The following UNC13C variants were observed in gnomAD, a reference collection of about 807,000 sequenced individuals.
UNC13C encodes protein unc-13 homolog C.
A neutral mutation model predicts 245.4 loss-of-function variants in UNC13C; 174 were observed. The observed-to-expected ratio is 0.71, with a 90% CI of 0.63 to 0.80. UNC13C has a LOEUF of 0.80. Among genes scored for constraint, UNC13C ranks in the 30% least tolerant of loss-of-function variants. The pLI, the probability that UNC13C is intolerant of heterozygous loss-of-function variation, is 0.00. For missense variants in UNC13C, 2,829 were observed against 2,602.9 expected (o/e 1.09, Z -1.89); for synonymous variants, 992 against 895.1 (o/e 1.11, Z -1.93).
At chr15:54,210,864 G>T (rs2034858706) in intron 4 of UNC13C, among the ~76,000 whole-genome samples, 2 of 152,136 alleles carry the variant, frequency 1.3e-5, no homozygotes, top group Admixed American at 6.6e-5. Context: ...CTTTGTGGAT[G>T]CAGGACACGC....
intron 19 of UNC13C, among the ~76,000 whole-genome samples, chr15:54,428,389 C>T (rs1386755359): frequency 1.3e-5 from 2 of 151,512 alleles, no homozygotes; most frequent in African/African-American, 4.8e-5. Flanking sequence ...TGTCCTTCCC[C>T]AATCACATCA....
intron 2 of UNC13C, among the ~76,000 whole-genome samples, chr15:54,126,628 C>A (rs1006710544): frequency 6.6e-6 from 1 of 152,064 alleles, no homozygotes; most frequent in African/African-American, 2.4e-5. Context: ...GTAGGCAATA[C>A]CATTCAGGAT....
chr15:54,374,452 C>T (rs2039560982), intron 17 of UNC13C, among the ~76,000 whole-genome samples: 1 of 152,206 alleles, frequency 6.6e-6, no homozygotes, highest in African/African-American at 2.4e-5. Context: ...CAGCAGGGAG[C>T]TGGCATTTCT....
intron 4 of UNC13C, among the ~76,000 whole-genome samples, chr15:54,186,061 GCT>G (rs1211840016): frequency 3.6e-4 from 51 of 139,964 alleles, no homozygotes; most frequent in African/African-American, 1.3e-3. Context: ...TCATGATTTG[GCT>G]CTCTGTTTGT....
chr15:54,626,068 C>T (rs76553701), intron 32 of UNC13C, among the ~76,000 whole-genome samples: 5,937 of 152,198 alleles, frequency 0.039, 216 homozygotes, highest in Admixed American at 0.12. Flanking sequence ...GCTGGTACTG[C>T]TGAGGGCTAG....
chr15:53,857,756 T>C, the UNC13C span, among the ~76,000 whole-genome samples: 4 of 152,312 alleles, frequency 2.6e-5, no homozygotes, highest in East Asian at 7.7e-4. Flanking sequence ...CTCTCAAATG[T>C]TGGCAGATGA....
intron 19 of UNC13C, among the ~76,000 whole-genome samples, chr15:54,425,836 G>A (rs2040748209): frequency 6.6e-6 from 1 of 151,796 alleles, no homozygotes; most frequent in Non-Finnish European, 1.5e-5. Flanking sequence ...AATTTTGTAG[G>A]TCAGGAAGTC....
intron 2 of UNC13C, among the ~76,000 whole-genome samples, chr15:54,141,062 G>T (rs985935606): frequency 7.2e-5 from 11 of 152,156 alleles, no homozygotes; most frequent in Non-Finnish European, 8.8e-5. Context: ...ATGGAAGACA[G>T]ATATCAACAG....
chr15:53,978,194 C>T (rs1286519797), upstream of UNC13C, among the ~76,000 whole-genome samples: 1 of 152,198 alleles, frequency 6.6e-6, no homozygotes. Context: ...CATCATCCAG[C>T]GATAAAGGGA....
chr15:54,184,536 C>T (rs140634069), intron 4 of UNC13C, among the ~76,000 whole-genome samples: 9,260 of 151,820 alleles, frequency 0.061, 395 homozygotes, highest in Non-Finnish European at 0.095. Context: ...TTTGTCCTTG[C>T]GATAGTTTGC....
intron 4 of UNC13C, among the ~76,000 whole-genome samples, chr15:54,195,904 C>T (rs1267842980): frequency 6.6e-6 from 1 of 151,970 alleles, no homozygotes; most frequent in African/African-American, 2.4e-5. Context: ...AATCATCTGC[C>T]CAGCTTACTT....
At chr15:54,020,620 A>G (rs548303712) in intron 2 of UNC13C, among the ~76,000 whole-genome samples, 1 of 152,040 alleles carries the variant, frequency 6.6e-6, no homozygotes, top group African/African-American at 2.4e-5. Context: ...TGTTTTGTCA[A>G]CCTTTCAGAG....
chr15:54,233,741 T>C (rs1338347549), intron 4 of UNC13C, among the ~76,000 whole-genome samples: 2 of 152,196 alleles, frequency 1.3e-5, no homozygotes, highest in Non-Finnish European at 2.9e-5. Flanking sequence ...ATCTCTCTGC[T>C]GACGGAAAAC....
At chr15:54,016,325 GGACTCTGA>G (rs1356596447) in intron 2 of UNC13C, among the ~76,000 whole-genome samples, 3 of 152,126 alleles carry the variant, frequency 2.0e-5, no homozygotes, top group African/African-American at 7.2e-5. Flanking sequence ...GTGAAAAGAT[GGACTCTGA>G]GACTTAACCA....
intron 19 of UNC13C, among the ~76,000 whole-genome samples, chr15:54,474,978 A>G (rs1381244442): frequency 6.6e-6 from 1 of 152,012 alleles, no homozygotes; most frequent in Non-Finnish European, 1.5e-5. Flanking sequence ...CACAAGAAGG[A>G]TACCAAGCCA....
chr15:54,364,900 C>T (rs145341381), intron 17 of UNC13C, among the ~76,000 whole-genome samples: 55 of 152,290 alleles, frequency 3.6e-4, no homozygotes, highest in Non-Finnish European at 4.4e-5. Context: ...TACATAAAAA[C>T]GATCAAACTC....
At chr15:54,371,536 G>A (rs2039487146) in intron 17 of UNC13C, among the ~76,000 whole-genome samples, 1 of 152,090 alleles carries the variant, frequency 6.6e-6, no homozygotes, top group Admixed American at 6.6e-5. Flanking sequence ...TAGTTCAGTA[G>A]TCTATTGTGG....
chr15:54,522,355 G>A (rs1013656030), intron 24 of UNC13C, among the ~76,000 whole-genome samples: 2 of 151,482 alleles, frequency 1.3e-5, no homozygotes, highest in African/African-American at 4.8e-5. Flanking sequence ...GCAGGTGCCT[G>A]TAATCCCAGC....
chr15:54,395,313 C>T (rs1055975054), intron 18 of UNC13C, among the ~76,000 whole-genome samples: 20 of 151,888 alleles, frequency 1.3e-4, no homozygotes, highest in Admixed American at 1.1e-3. Flanking sequence ...AATACTGCAT[C>T]GTCACATTTA....
Sources: gnomAD v4.1 joint callset for allele counts (sites outside exome capture counted in the v4.1 genomes callset) on GRCh38, gnomAD v4.1.1 for gene constraint, MANE v1.5 for transcripts, NCBI Gene and HGNC (gene_info 2026-07-23, HGNC 2026-07-21) for gene names.